Variants in DNAH5 observed in about 807,000 individuals in gnomAD.
DNAH5 encodes the protein dynein axonemal heavy chain 5.
DNAH5 carries 372 observed loss-of-function variants against 518.2 expected under a neutral mutation model. The observed-to-expected ratio is 0.72, with a 90% CI of 0.66 to 0.78. The LOEUF is 0.78. Ranked by LOEUF, DNAH5 falls within the 30% of genes least tolerant of loss-of-function variation. The pLI, the probability that DNAH5 is intolerant of heterozygous loss-of-function variation, is 0.00. For missense variants in DNAH5, 5,523 were observed against 5,687.0 expected, an observed-to-expected ratio of 0.97 and a Z score of 0.93; for synonymous variants, 2,039 against 2,025.9, an observed-to-expected ratio of 1.01 and a Z score of -0.17.
At chr5:13,927,981 C>T (rs1373510862) in intron 3 of DNAH5, 113 bp downstream of exon 3, 2 of 872,180 alleles carry the variant, frequency 2.3e-6, no homozygotes, top group African/African-American at 1.6e-5. Flanking sequence ...ACGCATCTCC[C>T]TCCCGCCCGC....
At chr5:13,826,522 T>C (rs1762909979) in intron 38 of DNAH5, among the ~76,000 whole-genome samples, 1 of 152,138 alleles carries the variant, frequency 6.6e-6, no homozygotes, top group African/African-American at 2.4e-5. Context: ...TAAGATCTGA[T>C]GGTTTTATAA....
rs747881064 is a variant in DNAH5, at chr5:13,717,328, A to T, written c.12692T>A (p.Met4231Lys). Residue 4231 changes from methionine (M) to lysine (K), a missense_variant, in exon 73 of 79, where the codon ATG becomes AAG. Physicochemically the swap from Met to Lys is moderately conservative, Grantham distance 95 (BLOSUM62 -1). Coordinates refer to ENST00000265104, the MANE Select transcript of DNAH5 (RefSeq NM_001369.3). The part of the protein sequence containing the change: ...VQFIQNHLDD[M>K]DVKKGVSWTT... ...GCGCGGCAGTACCTTTTTGACATCC[A>T]TGTCATCCAAGTGGTTTTGGATGAA... 1.9e-6 allele frequency: 3 copies of T among 1,613,764 alleles called. No individual in the cohort carries two copies. The highest frequency in any genetic ancestry group is 2.5e-6 in the Non-Finnish European group (3 of 1,179,938).
At chr5:14,005,039 C>T (rs529607316) in intron 1 of DNAH5, among the ~76,000 whole-genome samples, 13 of 152,236 alleles carry the variant, frequency 8.5e-5, no homozygotes, top group African/African-American at 2.9e-4. Context: ...ACACGAGCCT[C>T]TTCATGGTGG....
chr5:13,788,731 C>A lies in DNAH5; in HGVS notation c.8632G>T (p.Ala2878Ser). Residue 2878 changes from alanine (A) to serine (S), a missense_variant, in exon 51 of 79, where the codon GCA becomes TCA. Transcript: ENST00000265104. Reference protein sequence around the residue: ...DTYFVDFLRDAPEAAGETSEE... With the variant: ...DTYFVDFLRDSPEAAGETSEE... ...AATAGTTTACCTGCAGCTTCAGGTG[C>A]ATCTCTCAAGAAATCCACAAAATAT... 1 of 1,613,892 alleles carries A rather than the reference C, an allele frequency of 6.2e-7. No individual in the cohort carries two copies. The highest frequency in any genetic ancestry group is 8.5e-7 in the Non-Finnish European group (1 of 1,179,830).
In DNAH5 at chr5:13,920,569, G is replaced by A. The variant is rs1777143379; in HGVS notation, c.709C>T (p.Pro237Ser). 1 of 1,613,980 alleles carries A rather than the reference G, an allele frequency of 6.2e-7. No homozygotes were observed. Among genetic ancestry groups the A allele is most frequent in the African/African-American group, 1.3e-5 (1 of 74,904 alleles). ...DILELKTLKE[P>S]TDYLTLANNP... Reference sequence around the variant, plus strand: ...TTTGCTAGAGTCAAGTAGTCCGTAGGTTCCTTTAGGGTTTTCAGTTCAAGT... The same window carrying A: ...TTTGCTAGAGTCAAGTAGTCCGTAGATTCCTTTAGGGTTTTCAGTTCAAGT... Residue 237 changes from proline to serine, a missense_variant, in exon 6 of 79, where the codon CCT (proline) becomes TCT (serine). By Grantham distance (74) the Pro-to-Ser change is moderately conservative. This residue lies in a region of DNAH5 where 5,121 missense variants were observed against 5,223.3 expected (regional missense o/e 0.98). Coordinates refer to ENST00000265104, the MANE Select transcript of DNAH5 (RefSeq NM_001369.3).
chr5:13,812,367 A>AT (rs1209777615), intron 43 of DNAH5, among the ~76,000 whole-genome samples: 1 of 152,138 alleles, frequency 6.6e-6, no homozygotes, highest in African/African-American at 2.4e-5. Context: ...ATACAGTGGC[A>AT]TGATCTCAGT....
At chr5:13,699,432 G>A (rs1741782958) in intron 78 of DNAH5, among the ~76,000 whole-genome samples, 1 of 152,126 alleles carries the variant, frequency 6.6e-6, no homozygotes, top group Non-Finnish European at 1.5e-5. Flanking sequence ...AAATACTTGG[G>A]GCCGGGCATG....
Position 13,807,726 on chromosome 5 carries a change from C to A in DNAH5, c.7753-1G>T. 2 of 1,602,210 alleles carry A rather than the reference C, an allele frequency of 1.2e-6. No homozygotes were observed. Among genetic ancestry groups the A allele is most frequent in the Non-Finnish European group, 1.7e-6 (2 of 1,172,694 alleles). On this transcript the variant is annotated splice_acceptor_variant, in intron 46 of 78. Coordinates refer to ENST00000265104, the MANE Select transcript of DNAH5 (RefSeq NM_001369.3). LOFTEE classifies it high-confidence loss of function. ...CTTGTTCACCAATTAATAGCACAGC[C>A]TAAAATAGAGGGAATTGAAAAAAAA... is the stretch of plus-strand genomic sequence containing the variant.
intron 9 of DNAH5, among the ~76,000 whole-genome samples, chr5:13,915,819 G>A (rs1776590529): frequency 6.6e-6 from 1 of 152,080 alleles, no homozygotes; most frequent in African/African-American, 2.4e-5. Flanking sequence ...AAACACTTAC[G>A]AGTTAGGACA....
chr5:13,849,249 C>T (rs1766479449), intron 31 of DNAH5, among the ~76,000 whole-genome samples: 1 of 152,228 alleles, frequency 6.6e-6, no homozygotes, highest in Non-Finnish European at 1.5e-5. Context: ...TCAGGGTTTA[C>T]ATCTCTCACG....
intron 55 of DNAH5, among the ~76,000 whole-genome samples, chr5:13,772,230 A>G (rs981382900): frequency 2.6e-5 from 4 of 152,232 alleles, no homozygotes; most frequent in African/African-American, 9.6e-5. Flanking sequence ...ACTTGGCATT[A>G]TGGGATATTC....
Position 13,900,365 on chromosome 5 carries a change from A to AATT in DNAH5, c.2099_2100insAAT (p.Ala700_Pro701insIle). On this transcript the variant is annotated inframe_insertion, in exon 15 of 79. Coordinates refer to ENST00000265104, the MANE Select transcript of DNAH5 (RefSeq NM_001369.3). ...TTACAAACAATTCCCCTGTGCCTGG[A>AATT]GCCTTCACCAATAATGAAGCCTCAA... 1 of 1,614,206 alleles carries AATT rather than the reference A, an allele frequency of 6.2e-7. No homozygotes were observed. The highest frequency in any genetic ancestry group is 8.5e-7 in the Non-Finnish European group (1 of 1,180,020).
chr5:13,727,681 T>C, intron 69 of DNAH5, 25 bp from the exon 70 acceptor site: 4 of 1,613,556 alleles, frequency 2.5e-6, no homozygotes, highest in Non-Finnish European at 3.4e-6. Flanking sequence ...GGATAAAAAC[T>C]GTGTCATGCC....
chr5:13,789,222 T>G (rs1401725011), intron 50 of DNAH5, among the ~76,000 whole-genome samples: 1 of 152,216 alleles, frequency 6.6e-6, no homozygotes, highest in Non-Finnish European at 1.5e-5. Context: ...AATAAATTAG[T>G]CTTTTTAATA....
intron 71 of DNAH5, among the ~76,000 whole-genome samples, 160 bp from the exon 72 acceptor site, chr5:13,719,261 C>A (rs528632516): frequency 2.0e-5 from 3 of 152,188 alleles, no homozygotes; most frequent in African/African-American, 4.8e-5. Context: ...TGTTTAATTG[C>A]GATAAGCTAT....
intron 1 of DNAH5, among the ~76,000 whole-genome samples, chr5:13,992,375 A>G (rs1783617847): frequency 6.6e-6 from 1 of 152,230 alleles, no homozygotes; most frequent in Non-Finnish European, 1.5e-5. Flanking sequence ...AGATAGACAT[A>G]AGAATGAGAA....
intron 68 of DNAH5, 45 bp from the exon 69 acceptor site, chr5:13,729,605 A>T (rs3777093): frequency 6.5e-7 from 1 of 1,528,968 alleles, no homozygotes. Flanking sequence ...TTCCTTCACT[A>T]TAAAACAATC....
chr5:13,999,528 A>G (rs547771725), intron 1 of DNAH5, among the ~76,000 whole-genome samples: 1 of 152,340 alleles, frequency 6.6e-6, no homozygotes, highest in South Asian at 2.1e-4. Context: ...AATTTCCTTC[A>G]TTTTAAAACT....
chr5:13,956,966 T>C (rs1254563228), intron 1 of DNAH5, among the ~76,000 whole-genome samples: 2 of 152,348 alleles, frequency 1.3e-5, no homozygotes, highest in African/African-American at 2.4e-5. Context: ...AGTTCTACTA[T>C]TAGTAATGGA....
Sources: allele counts gnomAD v4.1 joint callset (sites outside exome capture counted in the v4.1 genomes callset), GRCh38; gene constraint gnomAD v4.1.1; regional missense constraint gnomAD v4.1.1; transcripts MANE v1.5; gene names NCBI Gene and HGNC (gene_info 2026-07-23, HGNC 2026-07-21).